ZFHX3: variants seen among roughly 807,000 people sequenced by gnomAD.
ZFHX3 encodes the protein zinc finger homeobox protein 3.
A neutral mutation model predicts 279.1 loss-of-function variants in ZFHX3; 42 were observed. The ratio of observed to expected loss-of-function variants is 0.15; its 90% CI spans 0.12 to 0.19. The LOEUF is 0.19. ZFHX3 is among the 10% of genes least tolerant of loss of function. The pLI is 1.00. For missense variants in ZFHX3, 4,981 were observed against 4,754.0 expected, an observed-to-expected ratio of 1.05 and a Z score of -1.40; for synonymous variants, 2,293 against 1,957.8, an observed-to-expected ratio of 1.17 and a Z score of -4.52.
chr16:73,404,513 G>A (rs374531935), intron 3 of ZFHX3, among the ~76,000 whole-genome samples: 1 of 152,158 alleles, frequency 6.6e-6, no homozygotes, highest in Non-Finnish European at 1.5e-5. Flanking sequence ...CAAAGAGACC[G>A]TTAAATCACA....
Position 72,795,216 on chromosome 16 carries a change from G to T in ZFHX3, c.7466C>A (p.Pro2489His). The change falls in exon 9 of 10, where the codon CCT becomes CAT. Residue 2489 changes from proline to histidine, a missense_variant. Coordinates refer to ENST00000268489, the MANE Select transcript of ZFHX3 (RefSeq NM_006885.4). ...SLPQPPPQAP[P>H]PQCPLPQSSP... Reference sequence around the variant, plus strand: ...CGACTGGGGTAAGGGGCACTGTGGAGGGGGCGCTTGTGGAGGAGGCTGTGG... The same window carrying T: ...CGACTGGGGTAAGGGGCACTGTGGATGGGGCGCTTGTGGAGGAGGCTGTGG... The T allele has an allele frequency of 1.9e-6, 3 of 1,608,092 alleles. No individual in the cohort carries two copies. The highest frequency in any genetic ancestry group is 1.7e-4 in the Middle Eastern group (1 of 6,008).
chr16:73,467,046 G>A (rs2018586265), intron 2 of ZFHX3, among the ~76,000 whole-genome samples: 2 of 152,196 alleles, frequency 1.3e-5, no homozygotes, highest in African/African-American at 4.8e-5. Flanking sequence ...GGAAGGCTAT[G>A]CTGCAGAGCT....
intron 2 of ZFHX3, among the ~76,000 whole-genome samples, chr16:73,659,486 A>C (rs1715404434): frequency 6.6e-6 from 1 of 152,132 alleles, no homozygotes; most frequent in Non-Finnish European, 1.5e-5. Flanking sequence ...AAGAGAAGTA[A>C]TTCCTAAATG....
At chr16:73,486,380 G>C (rs114800074) in intron 2 of ZFHX3, among the ~76,000 whole-genome samples, 3 of 152,242 alleles carry the variant, frequency 2.0e-5, no homozygotes, top group African/African-American at 7.2e-5. Context: ...CCACCCTGTG[G>C]AGTGTACTTT....
At chr16:73,197,175 CTG>C (rs984127048) in intron 5 of ZFHX3, among the ~76,000 whole-genome samples, 102 of 152,298 alleles carry the variant, frequency 6.7e-4, no homozygotes, top group African/African-American at 2.4e-3. Flanking sequence ...AGTCTTGACA[CTG>C]TTGTTTTCTT....
Position 72,788,553 on chromosome 16 carries a change from C to T in ZFHX3, c.9723G>A (p.Lys3241=), listed in dbSNP as rs1567508794. 2 of 1,614,008 alleles carry T rather than the reference C, an allele frequency of 1.2e-6. No homozygotes were observed. The highest frequency in any genetic ancestry group is 1.7e-6 in the Non-Finnish European group (2 of 1,180,016). ...TCCCTTTGTGTGCCTTTTCCTTCTC[C>T]TTTACTTTCTCACTGTCTTTGTCCT... The part of the protein sequence containing the change: ...QRKDKDSEKV[K]EKEKAHKGKG... The change falls in exon 10 of 10, where the codon AAG becomes AAA. Residue 3241 remains lysine (K), a synonymous_variant. Coordinates refer to ENST00000268489, the MANE Select transcript of ZFHX3 (RefSeq NM_006885.4).
intron 7 of ZFHX3, among the ~76,000 whole-genome samples, chr16:72,801,424 AG>A (rs2036095194): frequency 6.6e-6 from 1 of 152,244 alleles, no homozygotes; most frequent in South Asian, 2.1e-4. Context: ...TGCTCAAAAT[AG>A]CTACTGAGAT....
At chr16:73,522,132 A>G (rs540191160) in intron 2 of ZFHX3, among the ~76,000 whole-genome samples, 1 of 152,342 alleles carries the variant, frequency 6.6e-6, no homozygotes, top group African/African-American at 2.4e-5. Context: ...CACAGCATGG[A>G]TGTCCATTGA....
chr16:73,019,962 T>A (rs2144647895), intron 1 of ZFHX3, among the ~76,000 whole-genome samples: 2 of 152,300 alleles, frequency 1.3e-5, no homozygotes, highest in Middle Eastern at 3.4e-3. Flanking sequence ...ACTGAGCCCT[T>A]TAACCTCCTG....
intron 4 of ZFHX3, among the ~76,000 whole-genome samples, chr16:73,275,317 G>A (rs2014265567): frequency 6.6e-6 from 1 of 152,160 alleles, no homozygotes; most frequent in Non-Finnish European, 1.5e-5. Context: ...ATGCCCTCCT[G>A]ATAGGAAATC....
chr16:72,895,756 G>A (rs1015838097), intron 3 of ZFHX3, among the ~76,000 whole-genome samples: 9 of 152,158 alleles, frequency 5.9e-5, no homozygotes, highest in African/African-American at 1.9e-4. Flanking sequence ...CCCAGGAGGT[G>A]GAGGCTGAAG....
At chr16:73,378,458 T>C (rs1011371380) in intron 3 of ZFHX3, among the ~76,000 whole-genome samples, 1 of 152,198 alleles carries the variant, frequency 6.6e-6, no homozygotes, top group African/African-American at 2.4e-5. Flanking sequence ...GGTATGACAC[T>C]GTGAAATTAC....
chr16:73,595,667 T>C (rs2143850989), intron 2 of ZFHX3, among the ~76,000 whole-genome samples: 1 of 152,336 alleles, frequency 6.6e-6, no homozygotes, highest in African/African-American at 2.4e-5. Context: ...TCTTGACTGA[T>C]ACCCAAATTT....
intron 1 of ZFHX3, among the ~76,000 whole-genome samples, chr16:73,744,816 C>T (rs559140459): frequency 4.6e-5 from 7 of 152,224 alleles, no homozygotes; most frequent in Admixed American, 2.0e-4. Context: ...ATTTCATCTT[C>T]GTGACAGAAT....
Position 72,787,693 on chromosome 16 carries a change from G to A in ZFHX3, c.10583C>T (p.Ser3528Leu), listed in dbSNP as rs781184186. ...GGGGGGGGGG[S>L]YHCLACESAL... ...GCTCTCGCACGCCAGGCAGTGGTAC[G>A]AGCCGCCGCCGCCGCCGCCGCCGCC... The change falls in exon 10 of 10, where the codon TCG becomes TTG. Residue 3528 changes from serine to leucine, a missense_variant. This residue lies in a region of ZFHX3 where 1,034 missense variants were observed against 786.0 expected (regional missense o/e 1.32). Transcript: ENST00000268489. 11 of 1,438,714 alleles carry A rather than the reference G, an allele frequency of 7.6e-6. 1 individual carries two copies. Among genetic ancestry groups the A allele is most frequent in the Non-Finnish European group, 9.1e-6 (10 of 1,093,568 alleles). 89.1% of individuals were successfully genotyped at this position (1,438,714 alleles called of 1,614,324 possible).
At position 73,682,915 on chromosome 16, in the gene ZFHX3, AGAGAGAAAG is replaced by A. The variant is rs1567550596; in HGVS notation, c.-1607-2684_-1607-2676del. Among the ~76,000 whole-genome samples the A allele has an allele frequency of 4.6e-3, 120 of 26,276 alleles. 1 individual carries two copies. Among genetic ancestry groups the A allele is most frequent in the African/African-American group, 0.01 (95 of 9,056 alleles). 17.2% of individuals were successfully genotyped at this position (26,276 alleles called of 152,430 possible). ...GAAAGAAAGAAAGAAAGAGAAAGAA[AGAGAGAAAG>A]AGAAAGAAAGAAAGAAAGAAAGAAA... On this transcript the variant is annotated intron_variant, in intron 1 of 17. Transcript: ENST00000641206.
chr16:73,140,480 T>G (rs1966844597), intron 6 of ZFHX3, among the ~76,000 whole-genome samples: 2 of 152,190 alleles, frequency 1.3e-5, no homozygotes, highest in Admixed American at 6.5e-5. Flanking sequence ...GGAGTTCGGG[T>G]TAAAGGTTTC....
chr16:73,355,075 G>C (rs973936932), intron 3 of ZFHX3, among the ~76,000 whole-genome samples: 1 of 152,014 alleles, frequency 6.6e-6, no homozygotes, highest in Non-Finnish European at 1.5e-5. Context: ...ATTTAATGAC[G>C]GGCTAATCTC....
intron 5 of ZFHX3, among the ~76,000 whole-genome samples, chr16:73,168,217 TTCTTTC>T (rs1473026881): frequency 3.2e-4 from 35 of 108,602 alleles, no homozygotes; most frequent in African/African-American, 1.5e-3. Context: ...TTTGTTTTCT[TTCTTTC>T]TTTCTTTCTT....
Sources: allele counts gnomAD v4.1 joint callset (sites outside exome capture counted in the v4.1 genomes callset), GRCh38; gene constraint gnomAD v4.1.1; regional missense constraint gnomAD v4.1.1; transcripts MANE v1.5; gene names NCBI Gene and HGNC (gene_info 2026-07-23, HGNC 2026-07-21).